FNDC3A: variants seen among roughly 807,000 people sequenced by gnomAD.
FNDC3A encodes fibronectin type-III domain-containing protein 3A.
In FNDC3A, 32 loss-of-function variants were observed where a neutral mutation model predicts 148.9. The observed-to-expected ratio is 0.21, with a 90% CI of 0.16 to 0.29. The LOEUF is 0.29. Ranked by LOEUF, FNDC3A falls within the 10% of genes least tolerant of loss-of-function variation. FNDC3A has a pLI of 1.00. For synonymous variants in FNDC3A, 472 were observed against 473.6 expected (o/e 1.00, Z 0.04); for missense variants, 1,191 against 1,452.8 (o/e 0.82, Z 2.93).
intron 1 of FNDC3A, among the ~76,000 whole-genome samples, chr13:49,004,187 T>G (rs1003334020): frequency 6.6e-6 from 1 of 152,026 alleles, no homozygotes; most frequent in Non-Finnish European, 1.5e-5. Context: ...ATGTAGAAAG[T>G]GAGTAGTAAC....
At position 49,114,419 on chromosome 13, in the gene FNDC3A, C is replaced by T. The variant is rs553425708; in HGVS notation, c.176-236C>T. ...AAAAAGCCCTCCAACCTCCCCGCCCCCCACCACCCCTACCCCAGCAACTTT... is the reference window on the plus strand; with the variant it reads ...AAAAAGCCCTCCAACCTCCCCGCCCTCCACCACCCCTACCCCAGCAACTTT... On this transcript the variant is annotated intron_variant, in intron 3 of 25. Transcript: ENST00000492622. Among the ~76,000 whole-genome samples the T allele has an allele frequency of 3.9e-3, 592 of 151,526 alleles. 11 individuals carry two copies. The highest frequency in any genetic ancestry group is 0.021 in the South Asian group (99 of 4,748).
intron 2 of FNDC3A, among the ~76,000 whole-genome samples, chr13:49,036,026 G>C (rs1265058827): frequency 6.6e-6 from 1 of 152,062 alleles, no homozygotes; most frequent in Non-Finnish European, 1.5e-5. Flanking sequence ...AAAGCTTAAT[G>C]CAAAGTTCAT....
intron 3 of FNDC3A, among the ~76,000 whole-genome samples, chr13:49,094,793 G>A (rs1879419390): frequency 6.6e-6 from 1 of 151,914 alleles, no homozygotes; most frequent in Admixed American, 6.6e-5. Flanking sequence ...ACACTTACAG[G>A]GTGAGCCTAC....
intron 2 of FNDC3A, among the ~76,000 whole-genome samples, chr13:49,067,992 T>G (rs1274283635): frequency 2.0e-5 from 3 of 151,978 alleles, no homozygotes; most frequent in Non-Finnish European, 4.4e-5. Flanking sequence ...AAAAATGTGT[T>G]GGAAATAAAA....
intron 2 of FNDC3A, chr13:49,045,026 TTTCCC>T: frequency 6.9e-6 from 2 of 290,176 alleles, no homozygotes. Context: ...AGATTTCTCC[TTTCCC>T]TTTCCTTTCC....
At position 49,208,280 on chromosome 13, in the gene FNDC3A, A is replaced by G. The variant is rs1052408259; in HGVS notation, c.*885A>G. ...GTACACATATACACATAACAAGTGT[A>G]GAAGTATATATTACATACATACACT... On this transcript the variant is annotated 3_prime_UTR_variant, in exon 26 of 26. Transcript: ENST00000492622. 6.6e-6 allele frequency: 1 copy of G among 152,648 alleles called. No homozygotes were observed. Among genetic ancestry groups the G allele is most frequent in the Admixed American group, 6.5e-5 (1 of 15,288 alleles). 9.5% of individuals were successfully genotyped at this position (152,648 alleles called of 1,614,324 possible). A position where few individuals can be genotyped will look rare whatever the true frequency, so the allele number is the denominator to read the frequency against.
intron 4 of FNDC3A, among the ~76,000 whole-genome samples, chr13:49,126,030 G>T (rs956026202): frequency 6.6e-6 from 1 of 151,756 alleles, no homozygotes; most frequent in African/African-American, 2.4e-5. Context: ...TTTTCACAAC[G>T]TACTTATTTT....
chr13:49,170,348 C>T (rs912530714), intron 10 of FNDC3A, among the ~76,000 whole-genome samples: 1 of 152,106 alleles, frequency 6.6e-6, no homozygotes, highest in Non-Finnish European at 1.5e-5. Flanking sequence ...AGAAAAGTCA[C>T]TAAAAGTAGT....
chr13:49,207,573 G>T lies in FNDC3A; in HGVS notation c.*178G>T. 2.4e-6 allele frequency: 1 copy of T among 418,570 alleles called. No individual in the cohort carries two copies. The allele number at this position is 418,570 out of a possible 1,614,324, so 25.9% of individuals were successfully genotyped here. ...GTAGAGGCTGGCACTTTATTAGAATGCAAGCCACAAAAATATCAATTTTGT... is the reference window on the plus strand; with the variant it reads ...GTAGAGGCTGGCACTTTATTAGAATTCAAGCCACAAAAATATCAATTTTGT... On this transcript the variant is annotated 3_prime_UTR_variant, in exon 26 of 26. Transcript: ENST00000492622.
intron 25 of FNDC3A, among the ~76,000 whole-genome samples, chr13:49,205,210 T>TA (rs1177428953): frequency 1.3e-5 from 2 of 152,196 alleles, no homozygotes; most frequent in African/African-American, 2.4e-5. Flanking sequence ...CCAGATCTCT[T>TA]ATCACCCTCA....
rs181387585 is a variant in FNDC3A at position 49,113,369 on chromosome 13, C to T, written c.176-1286C>T. Among the ~76,000 whole-genome samples, 389 of 151,418 alleles carry T rather than the reference C, an allele frequency of 2.6e-3. 2 individuals are homozygous for T. The highest frequency in any genetic ancestry group is 4.4e-3 in the Non-Finnish European group (300 of 67,908). On this transcript the variant is annotated intron_variant, in intron 3 of 25. Transcript: ENST00000492622. ...CCCTTTCTTTTGTATTCTCTTTTCT[C>T]TTCCCTAGCTCTCTCATCTCCCTAG...
chr13:49,086,481 TTAA>T (rs2137806960), intron 3 of FNDC3A, among the ~76,000 whole-genome samples: 1 of 152,330 alleles, frequency 6.6e-6, no homozygotes, highest in Admixed American at 6.5e-5. Context: ...TAAATGTATT[TTAA>T]TAATACGGAG....
At chr13:49,172,134 G>A (rs1884785577) in intron 11 of FNDC3A, 38 bp downstream of exon 11, 8 of 1,292,602 alleles carry the variant, frequency 6.2e-6, no homozygotes, top group Non-Finnish European at 8.8e-6. Flanking sequence ...TTAACATTAT[G>A]TGCATATGTT....
intron 1 of FNDC3A, among the ~76,000 whole-genome samples, chr13:49,003,702 C>T (rs947487348): frequency 1.3e-5 from 2 of 152,038 alleles, no homozygotes; most frequent in African/African-American, 4.8e-5. Flanking sequence ...AGATCTGCAA[C>T]CTCTCTGACA....
At chr13:49,194,271 A>G (rs1233169455) in intron 19 of FNDC3A, among the ~76,000 whole-genome samples, 1 of 152,224 alleles carries the variant, frequency 6.6e-6, no homozygotes, top group Non-Finnish European at 1.5e-5. Context: ...AAATAATAAC[A>G]TATTTGGAAT....
intron 2 of FNDC3A, among the ~76,000 whole-genome samples, chr13:49,027,380 T>C (rs1873793640): frequency 6.6e-6 from 1 of 152,218 alleles, no homozygotes; most frequent in South Asian, 2.1e-4. Context: ...TCAGTAGGAA[T>C]GTTCACAAGA....
chr13:48,983,460 G>C (rs1188136999), intron 1 of FNDC3A, among the ~76,000 whole-genome samples: 2 of 152,128 alleles, frequency 1.3e-5, no homozygotes, highest in Non-Finnish European at 2.9e-5. Context: ...GGGCTCAGTT[G>C]CAACTACTTA....
intron 5 of FNDC3A, among the ~76,000 whole-genome samples, chr13:49,135,948 G>T (rs1247086812): frequency 2.0e-5 from 3 of 152,002 alleles, no homozygotes; most frequent in Non-Finnish European, 4.4e-5. Context: ...TGTGTTTAAG[G>T]TTCAAAAAGA....
chr13:49,061,937 G>A (rs1267641088), intron 2 of FNDC3A, among the ~76,000 whole-genome samples: 3 of 148,582 alleles, frequency 2.0e-5, no homozygotes, highest in Non-Finnish European at 3.0e-5. Context: ...TCTTCTTGGA[G>A]AAGAATGGTG....
Sources: gnomAD v4.1 joint callset for allele counts (sites outside exome capture counted in the v4.1 genomes callset) on GRCh38, gnomAD v4.1.1 for gene constraint, MANE v1.5 for transcripts, NCBI Gene and HGNC (gene_info 2026-07-23, HGNC 2026-07-21) for gene names.